The following OTOA variants were observed in gnomAD, a reference collection of about 807,000 sequenced individuals.
OTOA encodes cancer/testis antigen 108.
In OTOA, 70 loss-of-function variants were observed where a neutral mutation model predicts 110.8. That is an observed-to-expected ratio of 0.63 (90% CI 0.52 to 0.77). The LOEUF (loss-of-function observed/expected upper bound fraction) is 0.77. Ranked by LOEUF, OTOA falls within the 30% of genes least tolerant of loss-of-function variation. OTOA has a pLI of 0.00. For missense variants in OTOA, 917 were observed against 1,075.8 expected (o/e 0.85, Z 2.06); for synonymous variants, 373 against 431.5 (o/e 0.86, Z 1.68).
intron 5 of OTOA, among the ~76,000 whole-genome samples, chr16:21,679,682 G>A (rs1419263384): frequency 1.3e-5 from 2 of 152,288 alleles, no homozygotes; most frequent in African/African-American, 4.8e-5. Context: ...TGGGATTACA[G>A]GTGTGAGCCA....
chr16:21,687,574 C>CTCAGGGAG lies in OTOA; in HGVS notation c.562_569dup (p.Phe191GlnfsTer48), dbSNP rs770159048. ...TCCTGGGCAAGGTGCTGAGGGGGTC[C>CTCAGGGAG]TCAGGGAGCTTTCTCCAGCCAGACA... On this transcript the variant is annotated frameshift_variant, in exon 8 of 29. Coordinates refer to ENST00000646100, the MANE Select transcript of OTOA (RefSeq NM_144672.4). LOFTEE classifies it high-confidence loss of function. 9.9e-6 allele frequency: 16 copies of CTCAGGGAG among 1,613,752 alleles called. No individual in the cohort carries two copies. The highest frequency in any genetic ancestry group is 1.4e-5 in the Non-Finnish European group (16 of 1,179,978).
chr16:21,727,068 G>A, intron 19 of OTOA: 1 of 237,250 alleles, frequency 4.2e-6, no homozygotes, highest in Non-Finnish European at 8.2e-6. Flanking sequence ...CCAGGCTGGA[G>A]TGCAGTAGCA....
intron 2 of OTOA, 136 bp from the exon 3 acceptor site, chr16:21,678,779 G>A (rs764278603): frequency 1.5e-4 from 194 of 1,251,792 alleles, no homozygotes; most frequent in Non-Finnish European, 2.1e-4. Flanking sequence ...TTTTCTCAGA[G>A]TGGACAGTTA....
intron 19 of OTOA, 60 bp downstream of exon 19, chr16:21,726,718 C>G (rs879030338): frequency 1.2e-6 from 2 of 1,604,068 alleles, no homozygotes; most frequent in Admixed American, 3.3e-5. Flanking sequence ...TCTTGGGGAG[C>G]CCTGTGAGGG....
intron 13 of OTOA, among the ~76,000 whole-genome samples, chr16:21,714,286 TCTTTCTTTTC>T (rs1898453229): frequency 7.0e-6 from 1 of 142,196 alleles, no homozygotes; most frequent in Non-Finnish European, 1.6e-5. Flanking sequence ...CTCCTTCCTT[TCTTTCTTTTC>T]CTTTCTTCCT....
At chr16:21,731,732 A>C (rs564728324) in intron 21 of OTOA, among the ~76,000 whole-genome samples, 10 of 152,078 alleles carry the variant, frequency 6.6e-5, no homozygotes, top group African/African-American at 2.2e-4. Context: ...AAAGGAGTGA[A>C]TGTTTGCTGA....
intron 1 of OTOA, among the ~76,000 whole-genome samples, chr16:21,669,611 C>T (rs1053209199): frequency 6.6e-6 from 1 of 152,162 alleles, no homozygotes; most frequent in African/African-American, 2.4e-5. Flanking sequence ...AGGCCAAATC[C>T]TTGGCGTTGT....
Position 21,703,402 on chromosome 16 carries a change from C to T in OTOA, c.981-1767C>T, listed in dbSNP as rs182481028. ...GTCTTTCTGTGCCTAGCTTATTGCACTTAGCATAAGATCCTCCAAGTTCAT... is the reference window on the plus strand; with the variant it reads ...GTCTTTCTGTGCCTAGCTTATTGCATTTAGCATAAGATCCTCCAAGTTCAT... On this transcript the variant is annotated intron_variant, in intron 11 of 28. Coordinates refer to ENST00000646100, the MANE Select transcript of OTOA (RefSeq NM_144672.4). Among the ~76,000 whole-genome samples the T allele has an allele frequency of 1.7e-3, 264 of 152,166 alleles. 4 individuals are homozygous for T. The highest frequency in any genetic ancestry group is 5.7e-4 in the Non-Finnish European group (39 of 68,014).
intron 19 of OTOA, chr16:21,727,012 GTTTTTTTT>G (rs543449382): frequency 1.4e-5 from 2 of 144,178 alleles, no homozygotes; most frequent in Non-Finnish European, 2.7e-5. Context: ...CCCCCTTAGA[GTTTTTTTT>G]TTTTTTTTTT....
At chr16:21,734,515 CTTAAAA>C (rs1211288667) in intron 21 of OTOA, among the ~76,000 whole-genome samples, 1 of 151,418 alleles carries the variant, frequency 6.6e-6, no homozygotes, top group Admixed American at 6.6e-5. Flanking sequence ...TACCCCTGAA[CTTAAAA>C]TAAAAGTTAA....
intron 23 of OTOA, among the ~76,000 whole-genome samples, chr16:21,744,200 G>A (rs1899578313): frequency 6.7e-6 from 1 of 148,644 alleles, no homozygotes; most frequent in East Asian, 2.0e-4. Context: ...ACCCAGGCTG[G>A]AGTACAGTGG....
At chr16:21,670,173 C>T (rs1966847162) in intron 1 of OTOA, among the ~76,000 whole-genome samples, 1 of 151,586 alleles carries the variant, frequency 6.6e-6, no homozygotes, top group African/African-American at 2.4e-5. Context: ...TCCATCCTGG[C>T]TAATATCCCT....
At chr16:21,685,109 T>C in intron 6 of OTOA, 121 bp from the exon 7 acceptor site, 3 of 1,387,630 alleles carry the variant, frequency 2.2e-6, no homozygotes, top group Non-Finnish European at 2.0e-6. Context: ...ACCAGACTGC[T>C]GGCCACTAGT....
intron 18 of OTOA, among the ~76,000 whole-genome samples, chr16:21,724,138 G>C (rs1216739633): frequency 6.6e-6 from 1 of 152,200 alleles, no homozygotes; most frequent in Admixed American, 6.5e-5. Flanking sequence ...GGGGGAAGAT[G>C]TTGAATCTGG....
chr16:21,684,422 T>C lies in OTOA; in HGVS notation c.268-808T>C, dbSNP rs1431654865. ...GCCCTGTAGGGGGCGCCACAGAGTA[T>C]GTTCATTTCGCCTGTATTTTGCTCC... is the stretch of plus-strand genomic sequence containing the variant. On this transcript the variant is annotated intron_variant, in intron 6 of 28. Coordinates refer to ENST00000646100, the MANE Select transcript of OTOA (RefSeq NM_144672.4). 9 of 1,528,792 alleles carry C rather than the reference T, an allele frequency of 5.9e-6. No individual in the cohort carries two copies. The Admixed American group carries it at 1.0e-4, about 17-fold the overall frequency. 94.7% of individuals were successfully genotyped at this position (1,528,792 alleles called of 1,614,324 possible).
chr16:21,732,507 C>A lies in OTOA; in HGVS notation c.2301+1577C>A, dbSNP rs536790375. On this transcript the variant is annotated intron_variant, in intron 21 of 28. Coordinates refer to ENST00000646100, the MANE Select transcript of OTOA (RefSeq NM_144672.4). ...GCCCCTCCCACTCTTCCATCCAAGTCCCCAAAGCCCATTGTATCATTCTTA... is the reference window on the plus strand; with the variant it reads ...GCCCCTCCCACTCTTCCATCCAAGTACCCAAAGCCCATTGTATCATTCTTA... Among the ~76,000 whole-genome samples, 25 of 152,084 alleles carry A rather than the reference C, an allele frequency of 1.6e-4. 1 individual carries two copies. Among genetic ancestry groups the A allele is most frequent in the Admixed American group, 1.3e-3 (20 of 15,266 alleles).
chr16:21,725,749 G>A (rs1898895067), intron 18 of OTOA, among the ~76,000 whole-genome samples: 1 of 152,144 alleles, frequency 6.6e-6, no homozygotes, highest in Admixed American at 6.6e-5. Flanking sequence ...AGGCCGGATG[G>A]GTTTCATGCA....
rs1440432996 is a variant in OTOA at position 21,681,724 on chromosome 16, G to C, written c.180-14G>C. ...CTGTCATTGTGATCTTTTCCTGTCT[G>C]TCTTCAACTGAAGCTCCCACGTGTG... On this transcript the variant is annotated splice_polypyrimidine_tract_variant and intron_variant, in intron 5 of 28. Coordinates refer to ENST00000646100, the MANE Select transcript of OTOA (RefSeq NM_144672.4). 9 of 1,604,600 alleles carry C rather than the reference G, an allele frequency of 5.6e-6. 1 individual carries two copies. Among genetic ancestry groups the C allele is most frequent in the Non-Finnish European group, 7.7e-6 (9 of 1,171,558 alleles).
chr16:21,672,507 C>T (rs1249240641), intron 1 of OTOA, among the ~76,000 whole-genome samples: 1 of 151,492 alleles, frequency 6.6e-6, no homozygotes, highest in East Asian at 1.9e-4. Flanking sequence ...CCTGTTATCC[C>T]AGCTACTCAG....
Sources: allele counts gnomAD v4.1 joint callset (sites outside exome capture counted in the v4.1 genomes callset), GRCh38; gene constraint gnomAD v4.1.1; transcripts MANE v1.5; gene names NCBI Gene and HGNC (gene_info 2026-07-23, HGNC 2026-07-21).